The following IGSF21 variants were observed in gnomAD, a reference collection of about 807,000 sequenced individuals.
The protein encoded by IGSF21 is immunoglobulin superfamily member 21.
Under a neutral mutation model 46.8 loss-of-function variants are expected in IGSF21, and 28 were observed. The ratio of observed to expected loss-of-function variants is 0.60; its 90% CI spans 0.44 to 0.82. The LOEUF is 0.82. IGSF21 is among the 40% of genes least tolerant of loss of function. The pLI is 0.00. For missense variants in IGSF21, 624 were observed against 665.5 expected, an observed-to-expected ratio of 0.94 and a Z score of 0.69; for synonymous variants, 284 against 273.6, an observed-to-expected ratio of 1.04 and a Z score of -0.38.
chr1:18,358,496 C>A (rs1010665503), intron 4 of IGSF21, among the ~76,000 whole-genome samples: 4 of 152,202 alleles, frequency 2.6e-5, no homozygotes, highest in African/African-American at 9.7e-5. Flanking sequence ...GCTCCCCAGC[C>A]ACATGGGGTG....
chr1:18,232,947 G>C (rs1156445459), intron 2 of IGSF21, among the ~76,000 whole-genome samples: 1 of 152,192 alleles, frequency 6.6e-6, no homozygotes, highest in Non-Finnish European at 1.5e-5. Context: ...AAGGAAAAGG[G>C]AACATTTCTT....
chr1:18,205,053 C>T (rs1011445225), intron 1 of IGSF21, among the ~76,000 whole-genome samples: 2 of 151,560 alleles, frequency 1.3e-5, no homozygotes, highest in African/African-American at 4.9e-5. Flanking sequence ...ATTACATTTA[C>T]ATGTCAAAAG....
At chr1:18,186,026 A>T (rs1178281984) in intron 1 of IGSF21, among the ~76,000 whole-genome samples, 4 of 152,142 alleles carry the variant, frequency 2.6e-5, no homozygotes, top group Admixed American at 2.6e-4. Flanking sequence ...ATTTTGAGGG[A>T]TTATTAGGGG....
At position 18,290,250 on chromosome 1, in the gene IGSF21, C is replaced by G. The variant is rs1295876423; in HGVS notation, c.184-1616C>G. On this transcript the variant is annotated intron_variant, in intron 2 of 9. Transcript: ENST00000251296. This position sits in a 1 kb window ranked among gnomAD's most constrained non-coding sequence, Gnocchi z 4.2. ...AGCTGGGCCTGTGCTGCAGAAGCAG[C>G]CAGGTGGGAGGAAGTGGTCCTCTGT... Among the ~76,000 whole-genome samples the G allele has an allele frequency of 1.3e-5, 2 of 152,140 alleles. No individual in the cohort carries two copies. The highest frequency in any genetic ancestry group is 2.9e-5 in the Non-Finnish European group (2 of 68,026).
In IGSF21 at chr1:18,334,904, C is replaced by G; in HGVS notation, c.318C>G (p.Val106=). The G allele has an allele frequency of 6.2e-7, 1 of 1,613,944 alleles. No individual in the cohort carries two copies. Among genetic ancestry groups the G allele is most frequent in the Non-Finnish European group, 8.5e-7 (1 of 1,179,862 alleles). The stretch of plus-strand genomic sequence containing the variant: ...CTGCCTCCCCCAGGCTGCCCGAGGT[C>G]CGGATCTCAGACAATGGTCCCTATG... The part of the protein sequence containing the change: ...VYQSTVRLPE[V]RISDNGPYEC... Residue 106 remains valine, a synonymous_variant, in exon 4 of 10, where the codon GTC becomes GTG. Transcript: ENST00000251296. The surrounding 1 kb of genome is among the most constrained non-coding windows in gnomAD (Gnocchi z 4.3).
At chr1:18,345,405 G>C (rs1259563771) in intron 4 of IGSF21, among the ~76,000 whole-genome samples, 1 of 152,032 alleles carries the variant, frequency 6.6e-6, no homozygotes, top group African/African-American at 2.4e-5. Flanking sequence ...ATTTATTTGA[G>C]ACAGAGTCTC....
chr1:18,137,393 A>C (rs1048986266), intron 1 of IGSF21, among the ~76,000 whole-genome samples: 2 of 152,182 alleles, frequency 1.3e-5, no homozygotes, highest in Non-Finnish European at 2.9e-5. Context: ...ACACACATCC[A>C]CCTGATCCCC....
At chr1:18,185,192 A>C (rs1473857293) in intron 1 of IGSF21, among the ~76,000 whole-genome samples, 2 of 152,186 alleles carry the variant, frequency 1.3e-5, no homozygotes, top group African/African-American at 4.8e-5. Context: ...AGCCTGGCAG[A>C]AAGGGTGCAA....
chr1:18,151,758 GAGA>G (rs1312630697), intron 1 of IGSF21, among the ~76,000 whole-genome samples: 4 of 152,132 alleles, frequency 2.6e-5, no homozygotes, highest in African/African-American at 2.4e-5. Context: ...TGGAAATACG[GAGA>G]AGCTCATGGA....
intron 3 of IGSF21, among the ~76,000 whole-genome samples, chr1:18,296,239 G>C (rs1206704388): frequency 2.0e-5 from 3 of 152,094 alleles, no homozygotes; most frequent in Admixed American, 6.5e-5. Context: ...CTAAATCCTT[G>C]TTTCAAGGTC....
chr1:18,225,586 A>G (rs2084558583), intron 1 of IGSF21, among the ~76,000 whole-genome samples: 1 of 152,102 alleles, frequency 6.6e-6, no homozygotes, highest in Non-Finnish European at 1.5e-5. Flanking sequence ...GACCTTCATG[A>G]GCCTTGATCT....
chr1:18,238,077 T>C (rs1188237750), intron 2 of IGSF21, among the ~76,000 whole-genome samples: 2 of 152,108 alleles, frequency 1.3e-5, no homozygotes, highest in Admixed American at 1.3e-4. Flanking sequence ...GTGCAGAATA[T>C]TCTCAAAGGA....
chr1:18,256,230 T>C (rs2084891240), intron 2 of IGSF21, among the ~76,000 whole-genome samples: 1 of 152,214 alleles, frequency 6.6e-6, no homozygotes, highest in African/African-American at 2.4e-5. Context: ...CCCTTTAGGC[T>C]GGAAATCTTT....
chr1:18,149,181 A>G (rs2124432332), intron 1 of IGSF21, among the ~76,000 whole-genome samples: 1 of 152,316 alleles, frequency 6.6e-6, no homozygotes, highest in East Asian at 1.9e-4. Context: ...CCAGCCTGGC[A>G]CAGCCCCTGC....
chr1:18,222,144 G>A (rs1311535292), intron 1 of IGSF21, among the ~76,000 whole-genome samples: 1 of 152,142 alleles, frequency 6.6e-6, no homozygotes, highest in Non-Finnish European at 1.5e-5. Context: ...ATTCCCAGGG[G>A]CTCCATAGGA....
chr1:18,132,341 T>C (rs1471505066), intron 1 of IGSF21, among the ~76,000 whole-genome samples: 6 of 152,226 alleles, frequency 3.9e-5, no homozygotes, highest in Non-Finnish European at 8.8e-5. Flanking sequence ...TGGTCAGCCC[T>C]GTGGGCATAG....
chr1:18,122,062 G>A (rs1298006407), intron 1 of IGSF21, among the ~76,000 whole-genome samples: 7 of 152,076 alleles, frequency 4.6e-5, no homozygotes, highest in Non-Finnish European at 7.4e-5. Context: ...TGTGAGCTCC[G>A]AATCCCTCCC....
intron 2 of IGSF21, among the ~76,000 whole-genome samples, chr1:18,274,164 T>C (rs2085078269): frequency 6.6e-6 from 1 of 152,222 alleles, no homozygotes; most frequent in East Asian, 1.9e-4. Flanking sequence ...GCAAAATGGT[T>C]CCAGCCCCTA....
intron 9 of IGSF21, among the ~76,000 whole-genome samples, chr1:18,377,832 C>T (rs1429744052): frequency 6.6e-6 from 1 of 152,194 alleles, no homozygotes; most frequent in African/African-American, 2.4e-5. Context: ...CTCCAGACCA[C>T]TCCGTAGGGT....
Sources: gnomAD v4.1 joint callset for allele counts (sites outside exome capture counted in the v4.1 genomes callset) on GRCh38, gnomAD v4.1.1 for gene constraint, Gnocchi (gnomAD v3.1) non-coding constraint, MANE v1.5 for transcripts, NCBI Gene and HGNC (gene_info 2026-07-23, HGNC 2026-07-21) for gene names.